The following NAA40 variants were observed in gnomAD, a reference collection of about 807,000 sequenced individuals.
NAA40 encodes N-alpha-acetyltransferase 40.
In NAA40, 26 loss-of-function variants were observed where a neutral mutation model predicts 36.6. The observed-to-expected ratio is 0.71, with a 90% CI of 0.52 to 0.98. The LOEUF is 0.98. Among genes scored for constraint, NAA40 ranks in the 50% least tolerant of loss-of-function variants. The pLI is 0.00. For missense variants in NAA40, 237 were observed against 306.5 expected (o/e 0.77, Z 1.69); for synonymous variants, 129 against 108.4 (o/e 1.19, Z -1.18).
At chr11:63,950,035 T>C (rs1001895055) in intron 3 of NAA40, among the ~76,000 whole-genome samples, 27 of 151,766 alleles carry the variant, frequency 1.8e-4, no homozygotes, top group Admixed American at 7.2e-4. Context: ...TGAGCCACCG[T>C]GCCCAGCCAA....
chr11:63,949,226 T>A (rs189234385), intron 3 of NAA40, among the ~76,000 whole-genome samples: 217 of 152,200 alleles, frequency 1.4e-3, no homozygotes, highest in South Asian at 2.1e-3. Context: ...GTTCTAATAA[T>A]AGTACCTTTC....
At chr11:63,947,274 G>A (rs1942203157) in intron 3 of NAA40, among the ~76,000 whole-genome samples, 1 of 151,998 alleles carries the variant, frequency 6.6e-6, no homozygotes, top group Admixed American at 6.6e-5. Flanking sequence ...TGGCACGGTG[G>A]CGATCGCCTG....
chr11:63,957,148 T>C lies in NAA40; in HGVS notation c.*2669T>C, dbSNP rs1942379396. The stretch of plus-strand genomic sequence containing the variant: ...ATGTATAGGACATGTGAATGGTTCT[T>C]TTTAATTTTTTTTTAAGAGGAAATT... On this transcript the variant is annotated 3_prime_UTR_variant, in exon 8 of 8. Transcript: ENST00000377793. The C allele has an allele frequency of 1.3e-5, 2 of 151,040 alleles. No individual in the cohort carries two copies. The highest frequency in any genetic ancestry group is 2.9e-5 in the Non-Finnish European group (2 of 67,836). The allele number at this position is 151,040 out of a possible 1,614,324, so 9.4% of individuals were successfully genotyped here. A position where few individuals can be genotyped will look rare whatever the true frequency, so the allele number is the denominator to read the frequency against.
intron 1 of NAA40, among the ~76,000 whole-genome samples, chr11:63,943,539 C>T (rs1942140004): frequency 6.6e-6 from 1 of 152,184 alleles, no homozygotes; most frequent in Non-Finnish European, 1.5e-5. Flanking sequence ...ATCTGCAGCC[C>T]ATCCCTGGGA....
At chr11:63,950,439 T>C (rs966628261) in intron 3 of NAA40, among the ~76,000 whole-genome samples, 1 of 150,110 alleles carries the variant, frequency 6.7e-6, no homozygotes, top group Non-Finnish European at 1.5e-5. Context: ...TTTGACATAC[T>C]TTAGATATCC....
At chr11:63,943,744 G>A (rs1942143124) in intron 1 of NAA40, among the ~76,000 whole-genome samples, 1 of 152,050 alleles carries the variant, frequency 6.6e-6, no homozygotes, top group African/African-American at 2.4e-5. Flanking sequence ...GATCGCTTGA[G>A]CTCAGGAGTT....
intron 1 of NAA40, among the ~76,000 whole-genome samples, chr11:63,942,786 A>G (rs1942128462): frequency 6.6e-6 from 1 of 152,172 alleles, no homozygotes; most frequent in South Asian, 2.1e-4. Context: ...CCCCATGGGC[A>G]GGCAGCGGAG....
At chr11:63,940,493 C>A (rs966252793) in intron 1 of NAA40, among the ~76,000 whole-genome samples, 2 of 152,186 alleles carry the variant, frequency 1.3e-5, no homozygotes, top group Non-Finnish European at 2.9e-5. Context: ...AATTTCCTCA[C>A]CTCTGTAATT....
At chr11:63,940,253 G>GT (rs1330402524) in intron 1 of NAA40, among the ~76,000 whole-genome samples, 1 of 152,012 alleles carries the variant, frequency 6.6e-6, no homozygotes, top group African/African-American at 2.4e-5. Context: ...GTTTCACCAC[G>GT]TTGGCCAGGC....
At chr11:63,939,429 G>T in intron 1 of NAA40, 1 of 1,132,576 alleles carries the variant, frequency 8.8e-7, no homozygotes, top group Non-Finnish European at 1.1e-6. Flanking sequence ...GCTCCCCCAG[G>T]GTCACTCATC....
At chr11:63,948,766 C>T (rs1942228682) in intron 3 of NAA40, among the ~76,000 whole-genome samples, 1 of 152,032 alleles carries the variant, frequency 6.6e-6, no homozygotes. Flanking sequence ...GCCTATGTTG[C>T]CCGGGCTGGT....
chr11:63,946,164 C>A, intron 2 of NAA40: 1 of 556,732 alleles, frequency 1.8e-6, no homozygotes, highest in East Asian at 3.0e-5. Flanking sequence ...GGCTGCCTCC[C>A]TGTGGATCTT....
intron 6 of NAA40, among the ~76,000 whole-genome samples, chr11:63,953,153 ATTC>A (rs542864965): frequency 3.6e-4 from 54 of 149,548 alleles, no homozygotes; most frequent in Admixed American, 5.4e-4. Flanking sequence ...GGTTTAAGCA[ATTC>A]TTCTGCTCAG....
chr11:63,946,865 C>T (rs1942195621), intron 2 of NAA40, 86 bp from the exon 3 acceptor site: 1 of 1,607,756 alleles, frequency 6.2e-7, no homozygotes. Context: ...CCCACAGCAT[C>T]CCACTCCAAG....
intron 3 of NAA40, among the ~76,000 whole-genome samples, chr11:63,950,837 C>G (rs578066231): frequency 6.6e-6 from 1 of 152,194 alleles, no homozygotes; most frequent in Non-Finnish European, 1.5e-5. Flanking sequence ...CATTGCCAGC[C>G]AAGTCTGGGC....
At chr11:63,944,732 G>A (rs1001204603) in intron 1 of NAA40, among the ~76,000 whole-genome samples, 4 of 151,882 alleles carry the variant, frequency 2.6e-5, no homozygotes, top group Non-Finnish European at 5.9e-5. Context: ...GTGAAACCCC[G>A]TCACTACTAA....
intron 3 of NAA40, among the ~76,000 whole-genome samples, chr11:63,947,751 G>T (rs1942212189): frequency 1.6e-5 from 2 of 126,820 alleles, no homozygotes; most frequent in South Asian, 5.3e-4. Context: ...TTTTGAGACG[G>T]AGTCTCACTC....
intron 1 of NAA40, among the ~76,000 whole-genome samples, chr11:63,941,187 G>A (rs902747093): frequency 4.3e-4 from 66 of 152,208 alleles, no homozygotes; most frequent in African/African-American, 1.5e-3. Context: ...AAAATTGACA[G>A]TAAGAGAGAC....
intron 2 of NAA40, chr11:63,946,629 G>A (rs1942191232): frequency 2.3e-6 from 3 of 1,331,938 alleles, no homozygotes; most frequent in Non-Finnish European, 2.9e-6. Context: ...GGTAAAGTCA[G>A]TGTGCAGCAG....
Sources: gnomAD v4.1 joint callset for allele counts (sites outside exome capture counted in the v4.1 genomes callset) on GRCh38, gnomAD v4.1.1 for gene constraint, MANE v1.5 for transcripts, NCBI Gene and HGNC (gene_info 2026-07-23, HGNC 2026-07-21) for gene names.